The following CFAP54 variants were observed in gnomAD, a reference collection of about 807,000 sequenced individuals.
CFAP54 encodes cilia- and flagella-associated protein 54.
A neutral mutation model predicts 370.4 loss-of-function variants in CFAP54; 290 were observed. The observed-to-expected ratio is 0.78, with a 90% CI of 0.71 to 0.86. The LOEUF is 0.86. CFAP54 is among the 40% of genes least tolerant of loss of function. The pLI is 0.00. For synonymous variants in CFAP54, 1,206 were observed against 1,236.5 expected (o/e 0.98, Z 0.52); for missense variants, 3,399 against 3,528.7 (o/e 0.96, Z 0.93).
Position 96,691,274 on chromosome 12 carries a change from T to G in CFAP54, c.6228T>G (p.Ile2076Met). 1 of 1,605,118 alleles carries G rather than the reference T, an allele frequency of 6.2e-7. No individual in the cohort carries two copies. Among genetic ancestry groups the G allele is most frequent in the Non-Finnish European group, 8.5e-7 (1 of 1,177,382 alleles). Residue 2076 changes from isoleucine (I) to methionine (M), a missense_variant, in exon 44 of 68, where the codon ATT becomes ATG. Transcript: ENST00000524981. ...ICSVIASLYY[I>M]IRELHFVRQN... ...CTGTAATTGCAAGTCTGTATTACAT[T>G]ATACGTGAACTGCACTTTGTTAGGC...
intron 39 of CFAP54, among the ~76,000 whole-genome samples, chr12:96,678,798 T>G (rs538728778): frequency 6.6e-6 from 1 of 152,304 alleles, no homozygotes; most frequent in South Asian, 2.1e-4. Context: ...TTCAGCTAGA[T>G]AGTGAATTTC....
intron 39 of CFAP54, among the ~76,000 whole-genome samples, chr12:96,670,056 C>A (rs959623959): frequency 2.6e-5 from 4 of 152,166 alleles, no homozygotes; most frequent in Non-Finnish European, 4.4e-5. Flanking sequence ...GAGGTTGAAT[C>A]CTGGGCTGCT....
chr12:96,663,060 C>T (rs1183061818), intron 38 of CFAP54, among the ~76,000 whole-genome samples: 1 of 151,896 alleles, frequency 6.6e-6, no homozygotes, highest in Non-Finnish European at 1.5e-5. Context: ...GTGTTTGGCA[C>T]GTAATAGGTG....
chr12:96,703,984 A>G (rs1359563793), intron 46 of CFAP54, among the ~76,000 whole-genome samples: 1 of 152,202 alleles, frequency 6.6e-6, no homozygotes, highest in Admixed American at 6.5e-5. Context: ...GCTCCCTCAG[A>G]TATCCAGCAA....
At chr12:96,668,107 C>T (rs1957101971) in intron 39 of CFAP54, among the ~76,000 whole-genome samples, 1 of 152,226 alleles carries the variant, frequency 6.6e-6, no homozygotes, top group African/African-American at 2.4e-5. Flanking sequence ...CAACAAGTCT[C>T]TAGGAAGTTC....
intron 52 of CFAP54, 22 bp downstream of exon 52, chr12:96,742,608 A>G (rs1958065274): frequency 1.3e-6 from 2 of 1,595,072 alleles, no homozygotes; most frequent in Non-Finnish European, 1.7e-6. Context: ...TGCTTAATCA[A>G]TGTTTTCATA....
intron 66 of CFAP54, 53 bp downstream of exon 66, chr12:96,829,141 T>C: frequency 3.0e-6 from 3 of 1,008,248 alleles, no homozygotes; most frequent in South Asian, 1.6e-5. Flanking sequence ...GTATTATTGC[T>C]ATGAAATGGA....
intron 63 of CFAP54, among the ~76,000 whole-genome samples, chr12:96,810,503 A>T (rs907154875): frequency 6.6e-6 from 1 of 152,132 alleles, no homozygotes; most frequent in Non-Finnish European, 1.5e-5. Context: ...AATAATACTG[A>T]CAATAGATAG....
In CFAP54 at chr12:96,527,455, TG is replaced by T; in HGVS notation, c.1357+12del. The T allele has an allele frequency of 6.7e-7, 1 of 1,491,824 alleles. No individual in the cohort carries two copies. Among genetic ancestry groups the T allele is most frequent in the Non-Finnish European group, 8.9e-7 (1 of 1,120,266 alleles). The allele number at this position is 1,491,824 out of a possible 1,614,324, so 92.4% of individuals were successfully genotyped here. ...AAGAACTTTTGATAAGTAAATAAGA[TG>T]TTAAGATATTGTTTTATGATAGAAT... On this transcript the variant is annotated intron_variant, in intron 9 of 67. Transcript: ENST00000524981.
chr12:96,508,175 A>G (rs1455237077), intron 4 of CFAP54, among the ~76,000 whole-genome samples: 2 of 119,318 alleles, frequency 1.7e-5, no homozygotes, highest in African/African-American at 3.2e-5. Context: ...TTTCTCACCC[A>G]GAGTGGAGTG....
intron 39 of CFAP54, among the ~76,000 whole-genome samples, chr12:96,673,468 T>C (rs1957171086): frequency 6.6e-6 from 1 of 152,216 alleles, no homozygotes; most frequent in African/African-American, 2.4e-5. Flanking sequence ...ATATTAATTA[T>C]AGGTTTTACA....
intron 51 of CFAP54, among the ~76,000 whole-genome samples, chr12:96,742,189 G>C (rs1482305307): frequency 3.9e-5 from 6 of 152,126 alleles, no homozygotes. Flanking sequence ...TTTCAACAAT[G>C]GGTACGGAGA....
At position 96,489,711 on chromosome 12, in the gene CFAP54, G is replaced by A. The variant is rs1565871809; in HGVS notation, c.102G>A (p.Ser34=). The A allele has an allele frequency of 6.5e-7, 1 of 1,535,990 alleles. No individual in the cohort carries two copies. The highest frequency in any genetic ancestry group is 2.4e-5 in the East Asian group (1 of 40,908). ...LPPTSTATSR[S]PPESKGSSRS... The stretch of plus-strand genomic sequence containing the variant: ...CGACCTCCACCGCGACTTCGAGGTC[G>A]CCCCCAGAGTCGAAGGGGAGCTCCC... The change falls in exon 1 of 68, where the codon TCG becomes TCA. Residue 34 remains serine (S), a synonymous_variant. Coordinates refer to ENST00000524981, the MANE Select transcript of CFAP54 (RefSeq NM_001306084.2).
chr12:96,733,289 T>C (rs944505879), intron 50 of CFAP54, among the ~76,000 whole-genome samples: 4 of 152,168 alleles, frequency 2.6e-5, no homozygotes, highest in Non-Finnish European at 5.9e-5. Context: ...GTTTGGGTAC[T>C]GCTGAGAGTG....
intron 67 of CFAP54, among the ~76,000 whole-genome samples, chr12:96,870,033 G>GTGGGCGGA (rs1960115869): frequency 6.6e-6 from 1 of 151,774 alleles, no homozygotes; most frequent in Admixed American, 6.6e-5. Context: ...GGATGCCGAG[G>GTGGGCGGA]TGGGCGGATC....
chr12:96,742,895 C>A (rs548911055), intron 52 of CFAP54, among the ~76,000 whole-genome samples: 1 of 152,272 alleles, frequency 6.6e-6, no homozygotes, highest in Non-Finnish European at 1.5e-5. Context: ...ATTACTGGAG[C>A]CAACCCACTT....
chr12:96,656,254 T>A (rs1956921493), intron 36 of CFAP54, among the ~76,000 whole-genome samples: 1 of 152,214 alleles, frequency 6.6e-6, no homozygotes, highest in Admixed American at 6.5e-5. Flanking sequence ...TCAGTGTTGT[T>A]TATTTCTCAA....
At position 96,720,439 on chromosome 12, in the gene CFAP54, A is replaced by G. The variant is rs1213670631; in HGVS notation, c.6839A>G (p.Asn2280Ser). The G allele has an allele frequency of 1.9e-6, 3 of 1,585,314 alleles. No individual in the cohort carries two copies. Among genetic ancestry groups the G allele is most frequent in the Admixed American group, 3.5e-5 (2 of 56,822 alleles). ...MLLMEAEDRL[N>S]FLLSEVEQKT... ...CTGATGGAAGCTGAGGACAGGCTAA[A>G]CTTCCTTCTGTCCGAGGTGGAACAG... The change falls in exon 50 of 68, where the codon AAC (asparagine) becomes AGC (serine). Residue 2280 changes from asparagine (N) to serine (S), a missense_variant. Physicochemically the swap from Asn to Ser is conservative, Grantham distance 46. Around this residue, in one of 3 missense-constraint regions of CFAP54, gnomAD observed 2,796 missense variants for 2,869.7 expected, o/e 0.97. Coordinates refer to ENST00000524981, the MANE Select transcript of CFAP54 (RefSeq NM_001306084.2).
In CFAP54 at chr12:96,611,048, C is replaced by T. The variant is rs151001140; in HGVS notation, c.3640-10542C>T. On this transcript the variant is annotated intron_variant, in intron 26 of 67. Coordinates refer to ENST00000524981, the MANE Select transcript of CFAP54 (RefSeq NM_001306084.2). ...AGCTTTGAAGAGAGTAGTGGTTCTC[C>T]CAGCATGGAGTTTGAGATCTGAGAA... Among the ~76,000 whole-genome samples the T allele has an allele frequency of 6.8e-3, 1,034 of 152,278 alleles. 8 individuals are homozygous for T. The highest frequency in any genetic ancestry group is 0.034 in the Middle Eastern group (10 of 294).
Sources: allele counts gnomAD v4.1 joint callset (sites outside exome capture counted in the v4.1 genomes callset), GRCh38; gene constraint gnomAD v4.1.1; regional missense constraint gnomAD v4.1.1; transcripts MANE v1.5; gene names NCBI Gene and HGNC (gene_info 2026-07-23, HGNC 2026-07-21).